The following ILDR1 variants were observed in gnomAD, a reference collection of about 807,000 sequenced individuals.
ILDR1 encodes immunoglobulin-like domain-containing receptor 1.
In ILDR1, 56 loss-of-function variants were observed where a neutral mutation model predicts 62.4. The observed-to-expected ratio is 0.90, with a 90% CI of 0.72 to 1.12. ILDR1 has a LOEUF of 1.12. Among genes scored for constraint, ILDR1 ranks in the 50% most tolerant of loss-of-function variants. ILDR1 has a pLI of 0.00. For synonymous variants in ILDR1, 284 were observed against 277.8 expected (o/e 1.02, Z -0.22); for missense variants, 736 against 710.6 (o/e 1.04, Z -0.41).
At chr3:121,999,606 T>A (rs10934569) in intron 5 of ILDR1, among the ~76,000 whole-genome samples, 56,277 of 151,994 alleles carry the variant, frequency 0.37, 11,170 homozygotes, top group East Asian at 0.7. Context: ...ATTCTCAAAG[T>A]GTGGCTCCTC....
chr3:122,059,081 A>C, the ILDR1 span, among the ~76,000 whole-genome samples: 11 of 152,106 alleles, frequency 7.2e-5, no homozygotes, highest in African/African-American at 2.2e-4. Flanking sequence ...CTTCTCTAAC[A>C]TGTTGAGTTT....
At chr3:122,032,128 T>C in the ILDR1 span, among the ~76,000 whole-genome samples, 1 of 152,216 alleles carries the variant, frequency 6.6e-6, no homozygotes, top group African/African-American at 2.4e-5. Context: ...TGCTTAATTA[T>C]TCCCTCCTTG....
At chr3:122,048,058 C>T in the ILDR1 span, among the ~76,000 whole-genome samples, 27 of 152,202 alleles carry the variant, frequency 1.8e-4, no homozygotes, top group African/African-American at 6.3e-4. Flanking sequence ...CTGTTTTTCA[C>T]CATTAAGTGT....
the ILDR1 span, among the ~76,000 whole-genome samples, chr3:122,036,017 C>CAATG: frequency 4.6e-5 from 7 of 152,150 alleles, no homozygotes. Flanking sequence ...GTGACATGAA[C>CAATG]AATGAAGTCT....
In ILDR1 at chr3:121,993,715, G is replaced by A. The variant is rs778265483; in HGVS notation, c.1034C>T (p.Thr345Ile). The change falls in exon 7 of 8, where the codon ACC becomes ATC. Residue 345 changes from threonine (T) to isoleucine (I), a missense_variant. By Grantham distance (89) the Thr-to-Ile change is moderately conservative. Transcript: ENST00000344209. ...CCACTGCTGGTGCAGGGAGTCACTGGTCCTCCTTGAGGATGACAGGTCTCT... is the reference window on the plus strand; with the variant it reads ...CCACTGCTGGTGCAGGGAGTCACTGATCCTCCTTGAGGATGACAGGTCTCT... ...LIRDLSSSRR[T>I]SDSLHQQWLT... The A allele has an allele frequency of 1.2e-6, 2 of 1,614,034 alleles. No individual in the cohort carries two copies. The highest frequency in any genetic ancestry group is 2.2e-5 in the East Asian group (1 of 44,888).
rs1344134326 is a variant in ILDR1 at position 121,999,640 on chromosome 3, G to A, written c.646+1668C>T. ...TCTACCAGCAGCAGCACATCACCTG[G>A]AAACTTTTGAGATAAGAAATACAAA... is the stretch of plus-strand genomic sequence containing the variant. On this transcript the variant is annotated intron_variant, in intron 5 of 7. Coordinates refer to ENST00000344209, the MANE Select transcript of ILDR1 (RefSeq NM_001199799.2). Among the ~76,000 whole-genome samples the A allele has an allele frequency of 2.0e-5, 3 of 152,228 alleles. No homozygotes were observed. In the East Asian group the frequency reaches 5.8e-4, roughly 29 times the overall value.
At position 122,015,271 on chromosome 3, in the gene ILDR1, C is replaced by T. The variant is rs555107601; in HGVS notation, c.58+6749G>A. 9.4e-4 allele frequency among the ~76,000 whole-genome samples: 143 copies of T among 152,354 alleles called. No homozygotes were observed. The Middle Eastern group carries it at 0.02, about 22-fold the overall frequency. On this transcript the variant is annotated intron_variant, in intron 1 of 7. Coordinates refer to ENST00000344209, the MANE Select transcript of ILDR1 (RefSeq NM_001199799.2). ...TCAAGTTCTAAATCAAGCCCAAAAT[C>T]TAAATCATCATCCTTCCATACAAAC...
At chr3:122,023,684 G>T (rs530181110), upstream of ILDR1, among the ~76,000 whole-genome samples, 1 of 152,174 alleles carries the variant, frequency 6.6e-6, no homozygotes, top group East Asian at 1.9e-4. Flanking sequence ...CTTTTCCCCA[G>T]TGGGCCTCTT....
chr3:122,027,754 C>T, the ILDR1 span, among the ~76,000 whole-genome samples: 2 of 152,044 alleles, frequency 1.3e-5, no homozygotes, highest in African/African-American at 4.8e-5. Flanking sequence ...GAGTTGTATG[C>T]TTTATAATAA....
At chr3:122,037,071 G>A in the ILDR1 span, among the ~76,000 whole-genome samples, 1 of 152,244 alleles carries the variant, frequency 6.6e-6, no homozygotes, top group South Asian at 2.1e-4. Context: ...AGGATGTATG[G>A]AAATGCCTGG....
the ILDR1 span, among the ~76,000 whole-genome samples, chr3:122,027,421 C>G: frequency 6.6e-6 from 1 of 152,174 alleles, no homozygotes; most frequent in Admixed American, 6.5e-5. Flanking sequence ...AACTCCTGAC[C>G]TCAGGTGGTC....
Position 122,007,180 on chromosome 3 carries a change from G to A in ILDR1, c.59-19C>T, listed in dbSNP as rs763445577. The stretch of plus-strand genomic sequence containing the variant: ...AGGCACCCTAAAGCCAAGAGCAGGA[G>A]AAAATGCTGAAGGTGACCTACTCTG... On this transcript the variant is annotated intron_variant, in intron 1 of 7. Transcript: ENST00000344209. 1.9e-6 allele frequency: 3 copies of A among 1,614,118 alleles called. No individual in the cohort carries two copies.
rs778409709 is a variant in ILDR1, at chr3:121,993,225, C to A, written c.1524G>T (p.Lys508Asn). 6.2e-7 allele frequency: 1 copy of A among 1,614,022 alleles called. No individual in the cohort carries two copies. Among genetic ancestry groups the A allele is most frequent in the South Asian group, 1.1e-5 (1 of 91,060 alleles). ...GSHSPHWPEE[K>N]PPSYRSLDIT... ...TATCAAGTGAGCGGTAGCTAGGCGG[C>A]TTCTCCTCGGGCCAGTGTGGGGAGT... is the stretch of plus-strand genomic sequence containing the variant. The change falls in exon 7 of 8, where the codon AAG becomes AAT. Residue 508 changes from lysine to asparagine, a missense_variant. Lys to Asn is a moderately conservative substitution (Grantham distance 94, BLOSUM62 0). Transcript: ENST00000344209.
chr3:122,043,531 A>C, the ILDR1 span, among the ~76,000 whole-genome samples: 2 of 130,910 alleles, frequency 1.5e-5, no homozygotes, highest in Admixed American at 1.6e-4. Context: ...CACGATATTG[A>C]TTCTTCCTAC....
chr3:122,036,567 T>C, the ILDR1 span, among the ~76,000 whole-genome samples: 1 of 144,254 alleles, frequency 6.9e-6, no homozygotes, highest in Admixed American at 7.1e-5. Context: ...CCAGTCTGGG[T>C]GACAGAGCAA....
rs1288400197 is a variant in ILDR1 at position 122,006,490 on chromosome 3, G to T, written c.229+501C>A. 4.6e-5 allele frequency among the ~76,000 whole-genome samples: 7 copies of T among 151,262 alleles called. No individual in the cohort carries two copies. In the East Asian group the frequency reaches 5.9e-4, roughly 13 times the overall value. On this transcript the variant is annotated intron_variant, in intron 2 of 7. Transcript: ENST00000344209. ...ACTTCCCACAGTTAAAGGGCTGCCT[G>T]GGGGGGCACTGGAGGGCTTAGTCAG...
chr3:122,042,863 G>C, the ILDR1 span, among the ~76,000 whole-genome samples: 3 of 152,004 alleles, frequency 2.0e-5, no homozygotes, highest in Non-Finnish European at 2.9e-5. Context: ...CATTTTGTAG[G>C]TTGCCTGTTC....
At chr3:122,000,406 G>A (rs2071503589) in intron 5 of ILDR1, among the ~76,000 whole-genome samples, 1 of 152,174 alleles carries the variant, frequency 6.6e-6, no homozygotes, top group African/African-American at 2.4e-5. Flanking sequence ...AAAGGACTAG[G>A]TTCAAGGAGC....
rs1469918605 is a variant in ILDR1 at position 122,005,302 on chromosome 3, C to A, written c.321G>T (p.Gly107=). The change falls in exon 3 of 8, where the codon GGG becomes GGT. Residue 107 remains glycine, a synonymous_variant. Transcript: ENST00000344209. ...CTACCCCCAGCACGGGCTCATTCTGCCCCCGCCGCTGGGCCACTATGCGAA... is the reference window on the plus strand; with the variant it reads ...CTACCCCCAGCACGGGCTCATTCTGACCCCGCCGCTGGGCCACTATGCGAA... ...REVRIVAQRR[G]QNEPVLGVDY... 2 of 1,613,450 alleles carry A rather than the reference C, an allele frequency of 1.2e-6. No homozygotes were observed. The highest frequency in any genetic ancestry group is 1.7e-5 in the Admixed American group (1 of 59,982).
Sources: allele counts gnomAD v4.1 joint callset (sites outside exome capture counted in the v4.1 genomes callset), GRCh38; gene constraint gnomAD v4.1.1; transcripts MANE v1.5; gene names NCBI Gene and HGNC (gene_info 2026-07-23, HGNC 2026-07-21).